GRM1: variants seen among roughly 807,000 people sequenced by gnomAD.
The protein encoded by GRM1 is glutamate metabotropic receptor 1.
In GRM1, 33 loss-of-function variants were observed where a neutral mutation model predicts 90.9. The ratio of observed to expected loss-of-function variants is 0.36; its 90% CI spans 0.28 to 0.49. The LOEUF is 0.49. Ranked by LOEUF, GRM1 falls within the 20% of genes least tolerant of loss-of-function variation. The pLI is 0.99. For missense variants in GRM1, 1,190 were observed against 1,534.3 expected (o/e 0.78, Z 3.75); for synonymous variants, 700 against 613.2 (o/e 1.14, Z -2.09).
intron 3 of GRM1, among the ~76,000 whole-genome samples, chr6:146,337,984 C>T (rs1244938476): frequency 3.9e-5 from 6 of 152,128 alleles, no homozygotes; most frequent in Non-Finnish European, 8.8e-5. Flanking sequence ...TGGTAAAATA[C>T]ATGCTATGAT....
chr6:146,066,008 G>T (rs1775835074), intron 1 of GRM1, among the ~76,000 whole-genome samples: 1 of 151,754 alleles, frequency 6.6e-6, no homozygotes, highest in South Asian at 2.1e-4. Flanking sequence ...GTATTGTAAG[G>T]CTGTGAGATG....
rs193095313 is a variant in GRM1, at chr6:146,247,992, A to G, written c.951-56619A>G. ...TTGTACTAAGAATGAAAGAACCTCT[A>G]TTAGATGTTTCCCTAGGAATCTTTT... On this transcript the variant is annotated intron_variant, in intron 2 of 7. Transcript: ENST00000282753. 2.6e-5 allele frequency among the ~76,000 whole-genome samples: 4 copies of G among 151,810 alleles called. No homozygotes were observed. In the East Asian group the frequency reaches 5.8e-4, roughly 22 times the overall value.
intron 2 of GRM1, among the ~76,000 whole-genome samples, chr6:146,231,193 G>T (rs1780440228): frequency 6.6e-6 from 1 of 152,084 alleles, no homozygotes. Flanking sequence ...ATCCTCATCA[G>T]CTGTGACACA....
At chr6:146,047,026 A>G (rs59823045) in intron 1 of GRM1, among the ~76,000 whole-genome samples, 2,495 of 152,130 alleles carry the variant, frequency 0.016, 60 homozygotes, top group African/African-American at 0.056. Flanking sequence ...CATGTAAATC[A>G]GGGATCTGAG....
chr6:146,426,517 A>T lies in GRM1; in HGVS notation c.2661-7355A>T, dbSNP rs560776889. ...CTTGCCATATCTGTACACATGTATA[A>T]CCCCCTCGCTCACTGGGTGTCTTTT... On this transcript the variant is annotated intron_variant, in intron 7 of 7. Coordinates refer to ENST00000282753, the MANE Select transcript of GRM1 (RefSeq NM_001278064.2). 7 of 1,578,114 alleles carry T rather than the reference A, an allele frequency of 4.4e-6. No homozygotes were observed. The South Asian group carries it at 8.1e-5, about 18-fold the overall frequency.
At chr6:146,211,231 A>G (rs1779678654) in intron 2 of GRM1, among the ~76,000 whole-genome samples, 1 of 152,008 alleles carries the variant, frequency 6.6e-6, no homozygotes, top group Admixed American at 6.6e-5. Context: ...TTTGGCCCAG[A>G]GAGTTTTTAT....
chr6:146,277,261 C>G (rs1782407570), intron 2 of GRM1, among the ~76,000 whole-genome samples: 1 of 152,170 alleles, frequency 6.6e-6, no homozygotes, highest in African/African-American at 2.4e-5. Context: ...GTTGCTCAAA[C>G]CCTGCAGACT....
intron 1 of GRM1, among the ~76,000 whole-genome samples, chr6:146,118,498 T>G (rs1264582104): frequency 2.0e-5 from 3 of 152,216 alleles, no homozygotes; most frequent in Non-Finnish European, 4.4e-5. Context: ...GCAGGGTTGT[T>G]ACATACGTAT....
chr6:146,387,993 T>A (rs1208861799), intron 6 of GRM1, among the ~76,000 whole-genome samples: 2 of 152,062 alleles, frequency 1.3e-5, no homozygotes, highest in Non-Finnish European at 2.9e-5. Flanking sequence ...AACAGATGAT[T>A]CACTAGTAAA....
At chr6:146,226,634 CTTAA>C (rs1285540616) in intron 2 of GRM1, among the ~76,000 whole-genome samples, 1 of 152,082 alleles carries the variant, frequency 6.6e-6, no homozygotes, top group Non-Finnish European at 1.5e-5. Context: ...TGTGAGTGGT[CTTAA>C]TTAAAACCGC....
At chr6:146,045,749 C>CAAAAAAAAAAAAAA (rs58055832) in intron 1 of GRM1, among the ~76,000 whole-genome samples, 1 of 87,404 alleles carries the variant, frequency 1.1e-5, no homozygotes, top group Non-Finnish European at 2.2e-5. Flanking sequence ...TGGAATACAG[C>CAAAAAAAAAAAAAA]AAAAAAAAAA....
chr6:146,383,873 C>T (rs1472459446), intron 5 of GRM1, among the ~76,000 whole-genome samples: 1 of 152,060 alleles, frequency 6.6e-6, no homozygotes, highest in East Asian at 1.9e-4. Context: ...CAGACTTAGC[C>T]TTCTGCCATA....
At chr6:146,333,171 T>C (rs1784644485) in intron 3 of GRM1, among the ~76,000 whole-genome samples, 1 of 152,196 alleles carries the variant, frequency 6.6e-6, no homozygotes, top group Non-Finnish European at 1.5e-5. Flanking sequence ...ATGTAGATGC[T>C]GAACCATCTG....
chr6:146,313,735 C>A (rs1783853444), intron 3 of GRM1, among the ~76,000 whole-genome samples: 1 of 146,876 alleles, frequency 6.8e-6, no homozygotes, highest in African/African-American at 2.7e-5. Context: ...ATTTAAAGTG[C>A]ACCAAAAAAA....
chr6:146,119,321 T>A (rs1775890226), intron 1 of GRM1, among the ~76,000 whole-genome samples: 1 of 152,176 alleles, frequency 6.6e-6, no homozygotes, highest in South Asian at 2.1e-4. Flanking sequence ...GTTTGAGTTC[T>A]TTGTAGATCC....
intron 1 of GRM1, among the ~76,000 whole-genome samples, chr6:146,068,394 T>C (rs1265868546): frequency 6.6e-6 from 1 of 152,230 alleles, no homozygotes; most frequent in Admixed American, 6.5e-5. Flanking sequence ...ATTACAGGCA[T>C]GAGCCACCGC....
chr6:146,292,255 A>G (rs1204211226), intron 2 of GRM1, among the ~76,000 whole-genome samples: 1 of 152,042 alleles, frequency 6.6e-6, no homozygotes, highest in African/African-American at 2.4e-5. Context: ...TAGCTATGAC[A>G]TCAAATGCAT....
At chr6:146,114,681 T>C (rs1490356164) in intron 1 of GRM1, among the ~76,000 whole-genome samples, 1 of 152,168 alleles carries the variant, frequency 6.6e-6, no homozygotes, top group African/African-American at 2.4e-5. Context: ...TCTAATACTA[T>C]AAGCATCAGA....
At chr6:146,317,054 A>C (rs1323641541) in intron 3 of GRM1, among the ~76,000 whole-genome samples, 2 of 152,294 alleles carry the variant, frequency 1.3e-5, no homozygotes, top group Non-Finnish European at 2.9e-5. Flanking sequence ...GGTACATTGA[A>C]CCTAACAGAC....
Sources: gnomAD v4.1 joint callset for allele counts (sites outside exome capture counted in the v4.1 genomes callset) on GRCh38, gnomAD v4.1.1 for gene constraint, MANE v1.5 for transcripts, NCBI Gene and HGNC (gene_info 2026-07-23, HGNC 2026-07-21) for gene names.